ERBB3: variants seen among roughly 807,000 people sequenced by gnomAD.
ERBB3 encodes erb-b2 receptor tyrosine kinase 3, also known as receptor tyrosine-protein kinase erbB-3.
ERBB3 carries 96 observed loss-of-function variants against 156.7 expected under a neutral mutation model. That is an observed-to-expected ratio of 0.61 (90% confidence interval 0.52 to 0.73). The LOEUF is 0.73. Ranked by LOEUF, ERBB3 falls within the 30% of genes least tolerant of loss-of-function variation. ERBB3 has a pLI of 0.00. For missense variants in ERBB3, 1,406 were observed against 1,709.4 expected, an observed-to-expected ratio of 0.82 and a Z score of 3.13; for synonymous variants, 567 against 632.0, an observed-to-expected ratio of 0.90 and a Z score of 1.54.
At chr12:56,096,411 G>C in intron 17 of ERBB3, 92 bp from the exon 18 acceptor site, 3 of 1,526,162 alleles carry the variant, frequency 2.0e-6, no homozygotes, top group Non-Finnish European at 2.7e-6. Context: ...CCTTTCAGCT[G>C]TGCTGCTTTT....
intron 19 of ERBB3, 81 bp from the exon 20 acceptor site, chr12:56,096,964 G>T: frequency 2.1e-6 from 3 of 1,460,260 alleles, no homozygotes; most frequent in South Asian, 1.1e-5. Context: ...GTTGGGGGTG[G>T]GGGGGCCTGG....
chr12:56,082,172 C>A (rs1374509918), intron 1 of ERBB3, among the ~76,000 whole-genome samples: 1 of 152,126 alleles, frequency 6.6e-6, no homozygotes, highest in Non-Finnish European at 1.5e-5. Flanking sequence ...GCAAGGAAAC[C>A]CAACTATAGA....
At chr12:56,097,635 T>C (rs948099128) in intron 20 of ERBB3, 150 bp from the exon 21 acceptor site, 2 of 814,002 alleles carry the variant, frequency 2.5e-6, no homozygotes, top group Non-Finnish European at 4.1e-6. Context: ...CCCCTTCCCC[T>C]GGAAAAACTG....
intron 3 of ERBB3, among the ~76,000 whole-genome samples, chr12:56,086,314 C>A (rs1446932923): frequency 1.3e-5 from 2 of 152,062 alleles, no homozygotes; most frequent in Non-Finnish European, 2.9e-5. Context: ...CTAGCTAAAC[C>A]GGATCTGGAC....
At chr12:56,095,365 G>A (rs1868856857) in intron 16 of ERBB3, 55 bp downstream of exon 16, 10 of 1,447,202 alleles carry the variant, frequency 6.9e-6, no homozygotes, top group South Asian at 1.1e-5. Flanking sequence ...TTGGGAGAGA[G>A]GTGGTTACCT....
At position 56,097,951 on chromosome 12, in the gene ERBB3, A is replaced by G. The variant is rs1868943950; in HGVS notation, c.2616+11A>G. ...TACAGTGAGGCCAAGGTGAGGAGAC[A>G]CAAAGGGTAAGGAGGCGGGGGTGGA... On this transcript the variant is annotated intron_variant, in intron 21 of 27. Coordinates refer to ENST00000267101, the MANE Select transcript of ERBB3 (RefSeq NM_001982.4). The G allele has an allele frequency of 6.2e-7, 1 of 1,612,750 alleles. No individual in the cohort carries two copies. The highest frequency in any genetic ancestry group is 1.3e-5 in the African/African-American group (1 of 74,982).
chr12:56,095,657 T>TAGCATAA lies in ERBB3; in HGVS notation c.1914-8_1914-7insAGCATAA. On this transcript the variant is annotated splice_polypyrimidine_tract_variant and splice_region_variant and intron_variant, in intron 16 of 27. Coordinates refer to ENST00000267101, the MANE Select transcript of ERBB3 (RefSeq NM_001982.4). ...CAGGATAATGTTGGGTTTCTATATA[T>TAGCATAA]CCCATAGCAAAACCCATCTGACAAT... The TAGCATAA allele has an allele frequency of 6.2e-7, 1 of 1,614,036 alleles. No individual in the cohort carries two copies. Among genetic ancestry groups the TAGCATAA allele is most frequent in the Non-Finnish European group, 8.5e-7 (1 of 1,179,944 alleles).
intron 17 of ERBB3, 91 bp downstream of exon 17, chr12:56,095,897 C>A: frequency 1.5e-6 from 2 of 1,366,114 alleles, no homozygotes; most frequent in Non-Finnish European, 2.1e-6. Flanking sequence ...GTACCCTGTG[C>A]ACCCAGGGGT....
intron 8 of ERBB3, 29 bp from the exon 9 acceptor site, chr12:56,088,719 C>T (rs371658091): frequency 1.3e-5 from 21 of 1,614,118 alleles, no homozygotes; most frequent in East Asian, 2.2e-5. Flanking sequence ...GCGCAGACCA[C>T]CCCCACTGAA....
Position 56,087,612 on chromosome 12 carries a change from T to C in ERBB3, c.583T>C (p.Trp195Arg), listed in dbSNP as rs1868529255. 23 of 1,614,218 alleles carry C rather than the reference T, an allele frequency of 1.4e-5. No individual in the cohort carries two copies. Among genetic ancestry groups the C allele is most frequent in the Non-Finnish European group, 1.9e-5 (22 of 1,180,038 alleles). ...PCHEVCKGRC[W>R]GPGSEDCQTL... is the part of the protein sequence containing the mutation. ...TCATGAGGTTTGCAAGGGGCGATGC[T>C]GGGGTCCTGGATCAGAAGACTGCCA... The change falls in exon 5 of 28, where the codon TGG becomes CGG. Residue 195 changes from tryptophan (W) to arginine (R), a missense_variant. Transcript: ENST00000267101.
At chr12:56,100,322 A>C in intron 26 of ERBB3, 77 bp downstream of exon 26, 1 of 1,200,674 alleles carries the variant, frequency 8.3e-7, no homozygotes, top group Non-Finnish European at 1.2e-6. Context: ...GAAACCTCTG[A>C]GGTTTAATCA....
At chr12:56,084,028 CA>C in intron 2 of ERBB3, 126 bp downstream of exon 2, 1 of 954,880 alleles carries the variant, frequency 1.0e-6, no homozygotes. Flanking sequence ...TCCTAAGATT[CA>C]AAACCGTGTA....
At chr12:56,084,836 G>A (rs574735703) in intron 2 of ERBB3, among the ~76,000 whole-genome samples, 159 bp from the exon 3 acceptor site, 3 of 152,016 alleles carry the variant, frequency 2.0e-5, no homozygotes, top group East Asian at 3.9e-4. Context: ...CAACAAGAGC[G>A]TAACTCCGTC....
rs1253136839 is a variant in ERBB3 at position 56,102,126 on chromosome 12, C to G, written c.*71C>G. ...GCCTTTAGAGGGTACCGTCTTCTCCCTATTCCCTCTCTCTCCCAGGTCCCA... is the reference window on the plus strand; with the variant it reads ...GCCTTTAGAGGGTACCGTCTTCTCCGTATTCCCTCTCTCTCCCAGGTCCCA... On this transcript the variant is annotated 3_prime_UTR_variant, in exon 28 of 28. Transcript: ENST00000267101. 4 of 1,351,180 alleles carry G rather than the reference C, an allele frequency of 3.0e-6. No homozygotes were observed. Among genetic ancestry groups the G allele is most frequent in the Non-Finnish European group, 4.2e-6 (4 of 954,404 alleles). The allele number at this position is 1,351,180 out of a possible 1,614,324, so 83.7% of individuals were successfully genotyped here.
At chr12:56,098,945 CT>C (rs747048773) in intron 23 of ERBB3, 40 bp downstream of exon 23, 235 of 1,411,436 alleles carry the variant, frequency 1.7e-4, no homozygotes, top group Non-Finnish European at 2.0e-4. Flanking sequence ...CTCTTTTTTT[CT>C]TTTTTTTTCT....
rs368891812 is a variant in ERBB3, at chr12:56,084,558, G to A, written c.235-437G>A. 2.7e-4 allele frequency among the ~76,000 whole-genome samples: 39 copies of A among 146,544 alleles called. No individual in the cohort carries two copies. The East Asian group carries it at 7.2e-3, about 27-fold the overall frequency. On this transcript the variant is annotated intron_variant, in intron 2 of 27. Transcript: ENST00000267101. ...CCAGGAGTTTGACGCTGCAGTGAGC[G>A]AGATTGTGCCACTCGTAACAGAGCG...
rs774819745 is a variant in ERBB3, at chr12:56,101,125, G to A, written c.3266G>A (p.Arg1089Gln). The A allele has an allele frequency of 4.2e-5, 68 of 1,613,906 alleles. No homozygotes were observed. The highest frequency in any genetic ancestry group is 8.0e-5 in the African/African-American group (6 of 74,884). The change falls in exon 27 of 28, where the codon CGG (arginine) becomes CAG (glutamine). Residue 1089 changes from arginine to glutamine, a missense_variant. By Grantham distance (43) the Arg-to-Gln change is conservative (BLOSUM62 1). This residue lies in a region of ERBB3 where 415 missense variants were observed against 454.1 expected (regional missense o/e 0.91). Transcript: ENST00000267101. ...CCAGTCTCTCTACACCCAATGCCAC[G>A]GGGATGCCTGGCATCAGAGTCATCA... ...PRPVSLHPMPRGCLASESSEG... is the reference protein window; with the variant it reads ...PRPVSLHPMPQGCLASESSEG...
Position 56,088,858 on chromosome 12 carries a change from G to C in ERBB3, c.1099G>C (p.Gly367Arg), listed in dbSNP as rs758130617. The C allele has an allele frequency of 6.2e-7, 1 of 1,614,002 alleles. No homozygotes were observed. The highest frequency in any genetic ancestry group is 8.5e-7 in the Non-Finnish European group (1 of 1,179,984). The change falls in exon 9 of 28, where the codon GGC becomes CGC. Residue 367 changes from glycine to arginine, a missense_variant. Physicochemically the swap from Gly to Arg is moderately radical, Grantham distance 125 (BLOSUM62 -2). Transcript: ENST00000267101. ...ILGNLDFLIT[G>R]LNGDPWHKIP... ...GGGCAACCTGGACTTTCTGATCACC[G>C]GCCTCAATGGGTTAGAGATCCTGCC... is the stretch of plus-strand genomic sequence containing the variant.
chr12:56,090,699 TACAC>T (rs112340323), intron 9 of ERBB3, among the ~76,000 whole-genome samples: 1 of 149,724 alleles, frequency 6.7e-6, no homozygotes, highest in Non-Finnish European at 1.5e-5. Flanking sequence ...TGTCTCTCTC[TACAC>T]ACACACACAC....
Sources: gnomAD v4.1 joint callset for allele counts (sites outside exome capture counted in the v4.1 genomes callset) on GRCh38, gnomAD v4.1.1 for gene constraint, gnomAD v4.1.1 regional missense constraint, MANE v1.5 for transcripts, NCBI Gene and HGNC (gene_info 2026-07-23, HGNC 2026-07-21) for gene names.